SNX29: variants seen among roughly 807,000 people sequenced by gnomAD.
SNX29 encodes the protein sorting nexin 29, also known as sorting nexin-29.
A neutral mutation model predicts 102.1 loss-of-function variants in SNX29; 78 were observed. The ratio of observed to expected loss-of-function variants is 0.76; its 90% CI spans 0.64 to 0.92. SNX29 has a LOEUF of 0.92. SNX29 is among the 40% of genes least tolerant of loss of function. The probability of loss-of-function intolerance (pLI) is 0.00; values close to 1 mark genes in which losing one functional copy is unlikely to be tolerated. For synonymous variants in SNX29, 580 were observed against 414.5 expected, an observed-to-expected ratio of 1.40 and a Z score of -4.85; for missense variants, 1,280 against 1,061.7, an observed-to-expected ratio of 1.21 and a Z score of -2.86.
chr16:12,512,904 G>A (rs899973684), intron 19 of SNX29, among the ~76,000 whole-genome samples: 2 of 152,062 alleles, frequency 1.3e-5, no homozygotes, highest in Non-Finnish European at 1.5e-5. Flanking sequence ...CTCCTTCCCA[G>A]TCCGTCACCA....
chr16:12,070,518 T>C (rs2051247811), intron 10 of SNX29, among the ~76,000 whole-genome samples: 1 of 152,010 alleles, frequency 6.6e-6, no homozygotes, highest in African/African-American at 2.4e-5. Context: ...CATCATTTTT[T>C]ATGGCTGCAT....
At chr16:12,080,457 G>A (rs779642836) in intron 11 of SNX29, among the ~76,000 whole-genome samples, 1 of 152,186 alleles carries the variant, frequency 6.6e-6, no homozygotes, top group African/African-American at 2.4e-5. Flanking sequence ...GGGTGGGTGA[G>A]TATGTAGCTG....
At chr16:12,126,524 G>T (rs185336600) in intron 11 of SNX29, 109 bp from the exon 12 acceptor site, 1 of 1,137,614 alleles carries the variant, frequency 8.8e-7, no homozygotes, top group Admixed American at 2.2e-5. Context: ...AGGGAAAAGG[G>T]AACTTATCTA....
chr16:12,398,446 G>A lies in SNX29; in HGVS notation c.1900G>A (p.Val634Met). 6.2e-7 allele frequency: 1 copy of A among 1,613,952 alleles called. No individual in the cohort carries two copies. The highest frequency in any genetic ancestry group is 8.5e-7 in the Non-Finnish European group (1 of 1,179,860). Residue 634 changes from valine (V) to methionine (M), a missense_variant and splice_region_variant, in exon 17 of 21, where the codon GTG becomes ATG. Physicochemically the swap from Val to Met is conservative, Grantham distance 21 (BLOSUM62 1). Coordinates refer to ENST00000566228, the MANE Select transcript of SNX29 (RefSeq NM_032167.5). ...RQELIDLRGP[V>M]PGDLSQTSED... ...CCTCTCCCCCTTCTCCTGATGGTAG[G>A]TGCCTGGAGATTTGAGTCAAACGTC...
intron 11 of SNX29, among the ~76,000 whole-genome samples, chr16:12,083,465 C>T (rs1204566718): frequency 2.0e-5 from 3 of 151,758 alleles, no homozygotes; most frequent in Non-Finnish European, 2.9e-5. Context: ...CCTCTGCAGG[C>T]ACATCCTGGT....
chr16:12,344,098 C>G (rs181043770), intron 15 of SNX29, among the ~76,000 whole-genome samples: 1 of 152,292 alleles, frequency 6.6e-6, no homozygotes, highest in Admixed American at 6.5e-5. Context: ...ACTCTCTTGT[C>G]TGCCGCCATA....
chr16:12,545,766 C>T (rs2077569543), intron 20 of SNX29, among the ~76,000 whole-genome samples: 1 of 152,086 alleles, frequency 6.6e-6, no homozygotes, highest in Non-Finnish European at 1.5e-5. Flanking sequence ...GGAGAGGCAG[C>T]TTTTAAACAG....
At chr16:12,562,147 C>T (rs958289455) in intron 20 of SNX29, among the ~76,000 whole-genome samples, 12 of 152,138 alleles carry the variant, frequency 7.9e-5, no homozygotes, top group African/African-American at 2.7e-4. Flanking sequence ...TCTGGCAATA[C>T]CAGGTCTGTG....
At position 12,549,545 on chromosome 16, in the gene SNX29, G is replaced by C. The variant is rs117840269; in HGVS notation, c.2319-18961G>C. 6.5e-3 allele frequency among the ~76,000 whole-genome samples: 642 copies of C among 98,266 alleles called. 7 individuals are homozygous for C. Among genetic ancestry groups the C allele is most frequent in the African/African-American group, 0.033 (624 of 19,096 alleles). The allele number at this position is 98,266 out of a possible 152,430, so 64.5% of individuals were successfully genotyped here. Reference sequence around the variant, plus strand: ...TCCTCTATCTCAAATAGCCAGTAAGGCATGGAGTGGGCTTCCACCCTGGGA... The same window carrying C: ...TCCTCTATCTCAAATAGCCAGTAAGCCATGGAGTGGGCTTCCACCCTGGGA... On this transcript the variant is annotated intron_variant, in intron 20 of 20. Coordinates refer to ENST00000566228, the MANE Select transcript of SNX29 (RefSeq NM_032167.5).
At chr16:12,010,921 T>C (rs2056627084) in intron 3 of SNX29, among the ~76,000 whole-genome samples, 1 of 151,706 alleles carries the variant, frequency 6.6e-6, no homozygotes, top group Non-Finnish European at 1.5e-5. Flanking sequence ...TTTTTCAGGC[T>C]TTTTTTTCTC....
chr16:12,154,505 CT>C (rs2055446577), intron 13 of SNX29, among the ~76,000 whole-genome samples: 1 of 152,116 alleles, frequency 6.6e-6, no homozygotes. Flanking sequence ...TCTGTCGCCC[CT>C]ATTAGACTCA....
At chr16:12,081,115 A>G (rs1320778120) in intron 11 of SNX29, 1 of 152,226 alleles carries the variant, frequency 6.6e-6, no homozygotes, top group Non-Finnish European at 1.5e-5. Flanking sequence ...TAAAATGAAG[A>G]CAGTGGAAGG....
chr16:12,101,344 C>T (rs1380603122), intron 11 of SNX29, among the ~76,000 whole-genome samples: 3 of 129,156 alleles, frequency 2.3e-5, no homozygotes, highest in African/African-American at 9.6e-5. Flanking sequence ...GCATCTCTCT[C>T]ATTCTGTTCT....
chr16:12,563,889 C>T (rs1425351220), intron 20 of SNX29, among the ~76,000 whole-genome samples: 1 of 152,240 alleles, frequency 6.6e-6, no homozygotes, highest in Non-Finnish European at 1.5e-5. Context: ...CCTTGGGCCT[C>T]TGCCGTCTCT....
At chr16:12,488,957 T>C (rs966370074) in intron 19 of SNX29, among the ~76,000 whole-genome samples, 8 of 152,180 alleles carry the variant, frequency 5.3e-5, no homozygotes, top group South Asian at 4.1e-4. Flanking sequence ...CTTGACTCCG[T>C]TGGGCATTAA....
chr16:11,997,047 T>G (rs1241514173), intron 1 of SNX29, among the ~76,000 whole-genome samples: 1 of 152,116 alleles, frequency 6.6e-6, no homozygotes, highest in Non-Finnish European at 1.5e-5. Flanking sequence ...GCTTTAGAGG[T>G]CTTGAGTCAG....
chr16:12,523,648 C>G (rs1302055074), intron 19 of SNX29, among the ~76,000 whole-genome samples: 2 of 152,210 alleles, frequency 1.3e-5, no homozygotes, highest in Non-Finnish European at 2.9e-5. Flanking sequence ...TGTGGACCCT[C>G]TGTGACAGCT....
At chr16:12,056,495 A>C (rs907642819) in intron 8 of SNX29, among the ~76,000 whole-genome samples, 1 of 152,176 alleles carries the variant, frequency 6.6e-6, no homozygotes, top group African/African-American at 2.4e-5. Context: ...ATTCTAAGCT[A>C]GTGTTCACAG....
intron 15 of SNX29, among the ~76,000 whole-genome samples, chr16:12,349,013 T>G (rs1322654051): frequency 6.6e-6 from 1 of 152,140 alleles, no homozygotes; most frequent in African/African-American, 2.4e-5. Context: ...TTCCTCAGCT[T>G]GTTTAAAAGT....
Sources: allele counts gnomAD v4.1 joint callset (sites outside exome capture counted in the v4.1 genomes callset), GRCh38; gene constraint gnomAD v4.1.1; transcripts MANE v1.5; gene names NCBI Gene and HGNC (gene_info 2026-07-23, HGNC 2026-07-21).